Variants in SLC12A3 observed in about 807,000 individuals in gnomAD.
SLC12A3 encodes the protein solute carrier family 12 member 3.
A neutral mutation model predicts 121.0 loss-of-function variants in SLC12A3; 104 were observed. The ratio of observed to expected loss-of-function variants is 0.86; its 90% CI spans 0.73 to 1.01. SLC12A3 has a LOEUF of 1.01. SLC12A3 is among the 50% of genes least tolerant of loss of function. SLC12A3 has a pLI of 0.00. For synonymous variants in SLC12A3, 536 were observed against 533.4 expected (o/e 1.00, Z -0.07); for missense variants, 1,328 against 1,356.3 (o/e 0.98, Z 0.33).
chr16:56,905,304 ACTCC>A (rs2055592175), intron 25 of SLC12A3, among the ~76,000 whole-genome samples: 1 of 119,998 alleles, frequency 8.3e-6, no homozygotes, highest in Non-Finnish European at 1.6e-5. Context: ...GCCCCATTTC[ACTCC>A]AGCCTGGCAA....
At chr16:56,873,364 CTCTT>C (rs1334823972) in intron 8 of SLC12A3, among the ~76,000 whole-genome samples, 57 of 117,300 alleles carry the variant, frequency 4.9e-4, no homozygotes, top group African/African-American at 1.6e-3. Context: ...TGTTCTGTTT[CTCTT>C]TCTTTCTTTT....
chr16:56,888,149 G>A, intron 18 of SLC12A3, 118 bp downstream of exon 18: 2 of 699,440 alleles, frequency 2.9e-6, no homozygotes, highest in Middle Eastern at 5.6e-4. Flanking sequence ...CAAAGTGGCT[G>A]GCATCTGTAG....
At chr16:56,905,338 CAAAAAAAAA>C (rs59206129) in intron 25 of SLC12A3, among the ~76,000 whole-genome samples, 92 of 50,762 alleles carry the variant, frequency 1.8e-3, no homozygotes, top group Admixed American at 2.7e-3. Flanking sequence ...AACTCCGTCT[CAAAAAAAAA>C]AAAAAAAAAA....
At chr16:56,881,048 G>A (rs377199747) in intron 12 of SLC12A3, among the ~76,000 whole-genome samples, 67 of 152,314 alleles carry the variant, frequency 4.4e-4, no homozygotes, top group East Asian at 2.1e-3. Context: ...GGCAGAACTC[G>A]CGAGGAGAGA....
intron 25 of SLC12A3, among the ~76,000 whole-genome samples, chr16:56,909,762 C>T (rs1435856614): frequency 6.6e-6 from 1 of 151,522 alleles, no homozygotes; most frequent in African/African-American, 2.4e-5. Context: ...CCAGACCAGG[C>T]TCTAGGGTGG....
intron 25 of SLC12A3, among the ~76,000 whole-genome samples, chr16:56,909,792 A>AG (rs2055659568): frequency 7.1e-6 from 1 of 141,486 alleles, no homozygotes; most frequent in Admixed American, 6.8e-5. Context: ...ATTCTGAGGA[A>AG]GGGAAAAAAA....
chr16:56,902,531 G>GGGGGGGGGAGGC, intron 24 of SLC12A3, 23 bp downstream of exon 24: 1 of 714,570 alleles, frequency 1.4e-6, no homozygotes, highest in Non-Finnish European at 2.4e-6. Context: ...GTGGGGGTGG[G>GGGGGGGGGAGGC]AAACGCGACA....
chr16:56,879,561 G>T lies in SLC12A3; in HGVS notation c.1355G>T (p.Gly452Val). Residue 452 changes from glycine to valine, a missense_variant, in exon 11 of 26, where the codon GGC becomes GTC. Coordinates refer to ENST00000563236, the MANE Select transcript of SLC12A3 (RefSeq NM_001126108.2). ...CCACAGACCATGAGCATGGTGTCAG[G>T]CTTCGCGCCCCTGATCACGGCTGGC... ...NYYQTMSMVS[G>V]FAPLITAGIF... 3.7e-6 allele frequency: 6 copies of T among 1,613,786 alleles called. No homozygotes were observed. Among genetic ancestry groups the T allele is most frequent in the Non-Finnish European group, 5.1e-6 (6 of 1,179,962 alleles).
Position 56,870,197 on chromosome 16 carries a change from A to G in SLC12A3, c.703A>G (p.Thr235Ala). The part of the protein sequence containing the change: ...FANAVGVAMH[T>A]VGFAETVRDL... ...CAATGCCGTGGGTGTGGCCATGCAC[A>G]CGGTGGGCTTTGCAGAGACCGTGCG... Residue 235 changes from threonine (T) to alanine (A), a missense_variant, in exon 5 of 26, where the codon ACG (threonine) becomes GCG (alanine). Coordinates refer to ENST00000563236, the MANE Select transcript of SLC12A3 (RefSeq NM_001126108.2). 1 of 1,613,938 alleles carries G rather than the reference A, an allele frequency of 6.2e-7. No individual in the cohort carries two copies. The highest frequency in any genetic ancestry group is 8.5e-7 in the Non-Finnish European group (1 of 1,180,018).
At chr16:56,905,338 C>CAAAAAA (rs59206129) in intron 25 of SLC12A3, among the ~76,000 whole-genome samples, 15 of 50,734 alleles carry the variant, frequency 3.0e-4, no homozygotes, top group African/African-American at 8.9e-4. Context: ...AACTCCGTCT[C>CAAAAAA]AAAAAAAAAA....
At chr16:56,869,943 G>A in intron 4 of SLC12A3, 119 bp downstream of exon 4, 1 of 1,367,152 alleles carries the variant, frequency 7.3e-7, no homozygotes, top group Non-Finnish European at 1.0e-6. Flanking sequence ...TCCGGGAGAG[G>A]GCTCTAGGCA....
rs1465372134 is a variant in SLC12A3 at position 56,915,437 on chromosome 16, T to C, written c.*2032T>C. On this transcript the variant is annotated 3_prime_UTR_variant, in exon 26 of 26. Transcript: ENST00000563236. Reference sequence around the variant, plus strand: ...AAGGCTTGGGGCTCCCAGGCTGCTCTGAAGCCCCACTGTCTGACCGCCTCA... The same window carrying C: ...AAGGCTTGGGGCTCCCAGGCTGCTCCGAAGCCCCACTGTCTGACCGCCTCA... The C allele has an allele frequency of 6.6e-6, 1 of 152,256 alleles. No homozygotes were observed. Among genetic ancestry groups the C allele is most frequent in the African/African-American group, 2.4e-5 (1 of 41,460 alleles). The allele number at this position is 152,256 out of a possible 1,614,324, so 9.4% of individuals were successfully genotyped here.
At chr16:56,901,335 A>G (rs929350242) in intron 23 of SLC12A3, among the ~76,000 whole-genome samples, 1 of 106,848 alleles carries the variant, frequency 9.4e-6, no homozygotes, top group Admixed American at 9.3e-5. Flanking sequence ...TCAGCCCTAC[A>G]TCTCTCTCTC....
rs1352343569 is a variant in SLC12A3 at position 56,913,468 on chromosome 16, C to T, written c.*63C>T. 3 of 1,502,958 alleles carry T rather than the reference C, an allele frequency of 2.0e-6. No individual in the cohort carries two copies. The African/African-American group carries it at 4.1e-5, about 21-fold the overall frequency. The allele number at this position is 1,502,958 out of a possible 1,614,324, so 93.1% of individuals were successfully genotyped here. ...TGTGGGATAAGTTGGAACTTGATTG[C>T]CTCTAGTCCACAGGGATGAGACTCA... On this transcript the variant is annotated 3_prime_UTR_variant, in exon 26 of 26. Coordinates refer to ENST00000563236, the MANE Select transcript of SLC12A3 (RefSeq NM_001126108.2).
chr16:56,871,706 C>G (rs1430214222), intron 6 of SLC12A3, among the ~76,000 whole-genome samples: 2 of 152,008 alleles, frequency 1.3e-5, no homozygotes, highest in Admixed American at 1.3e-4. Context: ...ATCACACTCC[C>G]TCTTCTTTAT....
At chr16:56,901,679 C>T (rs1009064689) in intron 23 of SLC12A3, among the ~76,000 whole-genome samples, 3 of 139,090 alleles carry the variant, frequency 2.2e-5, no homozygotes, top group Non-Finnish European at 4.7e-5. Flanking sequence ...TGAGTCACAT[C>T]GCACAGAAGA....
intron 25 of SLC12A3, among the ~76,000 whole-genome samples, chr16:56,912,106 G>A (rs987677158): frequency 3.3e-5 from 5 of 152,238 alleles, no homozygotes; most frequent in African/African-American, 1.2e-4. Flanking sequence ...GAAGGAGCGC[G>A]GTGCTGCGGG....
rs551507115 is a variant in SLC12A3 at position 56,894,296 on chromosome 16, C to A, written c.2522-235C>A. 3.3e-5 allele frequency among the ~76,000 whole-genome samples: 5 copies of A among 152,250 alleles called. 1 individual carries two copies. The highest frequency in any genetic ancestry group is 1.2e-4 in the African/African-American group (5 of 41,538). ...CTGGGATTATAGGCATGAGCCATGG[C>A]GCCCGGCCGCCAGCTTGTTTATTTA... On this transcript the variant is annotated intron_variant, in intron 21 of 25. Coordinates refer to ENST00000563236, the MANE Select transcript of SLC12A3 (RefSeq NM_001126108.2).
chr16:56,882,541 G>T (rs552437503), intron 13 of SLC12A3, 44 bp downstream of exon 13: 5 of 1,486,196 alleles, frequency 3.4e-6, no homozygotes, highest in Non-Finnish European at 2.8e-6. Flanking sequence ...CACCCAGGGG[G>T]CAGGAGGAAC....
Sources: allele counts gnomAD v4.1 joint callset (sites outside exome capture counted in the v4.1 genomes callset), GRCh38; gene constraint gnomAD v4.1.1; transcripts MANE v1.5; gene names NCBI Gene and HGNC (gene_info 2026-07-23, HGNC 2026-07-21).